Variants in SVOPL observed in about 807,000 individuals in gnomAD.
The protein encoded by SVOPL is SVOP like.
SVOPL carries 60 observed loss-of-function variants against 61.0 expected under a neutral mutation model. That is an observed-to-expected ratio of 0.98 (90% CI 0.80 to 1.22). The LOEUF (loss-of-function observed/expected upper bound fraction) is 1.22, where lower values mean the gene tolerates loss of function less well. Among genes scored for constraint, SVOPL ranks in the 50% most tolerant of loss-of-function variants. The pLI is 0.00. For missense variants in SVOPL, 662 were observed against 643.9 expected (o/e 1.03, Z -0.30); for synonymous variants, 279 against 250.0 (o/e 1.12, Z -1.09).
In SVOPL at chr7:138,662,779, A is replaced by T. The variant is rs1454642731; in HGVS notation, c.345+295T>A. The T allele has an allele frequency of 2.7e-5, 33 of 1,202,310 alleles. No homozygotes were observed. In the Admixed American group the frequency reaches 1.3e-3, roughly 47 times the overall value. The allele number at this position is 1,202,310 out of a possible 1,614,324, so 74.5% of individuals were successfully genotyped here. On this transcript the variant is annotated intron_variant, in intron 5 of 15. Transcript: ENST00000674285. The stretch of plus-strand genomic sequence containing the variant: ...AACCTTTAAAAGTTCAAATAGAGCC[A>T]CTTAGCGGCCTTCCTTCCTTTAATC...
chr7:138,632,670 G>A (rs542532226), intron 9 of SVOPL, among the ~76,000 whole-genome samples: 1 of 151,748 alleles, frequency 6.6e-6, no homozygotes, highest in African/African-American at 2.4e-5. Context: ...GAGCCAGGGT[G>A]GAAAGGGAGG....
chr7:138,682,484 T>G (rs1460891317), intron 1 of SVOPL, among the ~76,000 whole-genome samples: 1 of 152,154 alleles, frequency 6.6e-6, no homozygotes, highest in Non-Finnish European at 1.5e-5. Flanking sequence ...ACCATGTGGA[T>G]GCAATAAGAA....
intron 14 of SVOPL, among the ~76,000 whole-genome samples, chr7:138,608,526 T>G (rs941282953): frequency 6.6e-6 from 1 of 152,170 alleles, no homozygotes; most frequent in African/African-American, 2.4e-5. Context: ...GTTTCCGGCA[T>G]TGGACCTCAC....
intron 14 of SVOPL, among the ~76,000 whole-genome samples, chr7:138,609,275 GA>G (rs1426730807): frequency 6.6e-6 from 1 of 152,156 alleles, no homozygotes; most frequent in Non-Finnish European, 1.5e-5. Context: ...GTACCAAAAT[GA>G]AAGCGAGCAG....
chr7:138,641,543 C>T (rs1178919836), intron 9 of SVOPL, among the ~76,000 whole-genome samples: 47 of 151,538 alleles, frequency 3.1e-4, no homozygotes, highest in South Asian at 1.0e-3. Flanking sequence ...TGATGGCAGG[C>T]GCCTGTAATC....
chr7:138,604,538 G>A (rs185550450), intron 14 of SVOPL, among the ~76,000 whole-genome samples: 18 of 151,976 alleles, frequency 1.2e-4, no homozygotes, highest in African/African-American at 3.4e-4. Flanking sequence ...CTAGCCAGGC[G>A]TGGTGGCAGG....
chr7:138,673,990 G>C (rs1372186455), intron 3 of SVOPL, among the ~76,000 whole-genome samples: 1 of 150,554 alleles, frequency 6.6e-6, no homozygotes, highest in African/African-American at 2.4e-5. Flanking sequence ...TTTGAGACCA[G>C]CTTGGCCAAC....
At chr7:138,662,883 T>A in intron 5 of SVOPL, 191 bp downstream of exon 5, 2 of 1,432,340 alleles carry the variant, frequency 1.4e-6, no homozygotes, top group South Asian at 3.1e-5. Flanking sequence ...GAGGAACAGC[T>A]GCAGGCACAG....
Position 138,601,479 on chromosome 7 carries a change from T to C in SVOPL, c.1354-4949A>G, listed in dbSNP as rs78316583. The stretch of plus-strand genomic sequence containing the variant: ...CAACATGAATGAGCCTAGAGGACAT[T>C]ATGCTAAAAACTAATAATAAGAAGC... On this transcript the variant is annotated intron_variant, in intron 14 of 15. Transcript: ENST00000674285. 4.1e-3 allele frequency among the ~76,000 whole-genome samples: 621 copies of C among 151,834 alleles called. 14 individuals carry two copies. In the East Asian group the frequency reaches 0.045, roughly 11 times the overall value.
At chr7:138,599,603 A>G (rs775073683) in intron 14 of SVOPL, among the ~76,000 whole-genome samples, 1 of 152,126 alleles carries the variant, frequency 6.6e-6, no homozygotes, top group Non-Finnish European at 1.5e-5. Flanking sequence ...GAAAAAATCA[A>G]TTTGCCAGGC....
intron 4 of SVOPL, among the ~76,000 whole-genome samples, chr7:138,668,795 G>A (rs1254713633): frequency 6.6e-6 from 1 of 152,158 alleles, no homozygotes; most frequent in Non-Finnish European, 1.5e-5. Flanking sequence ...TTGTCAGTCT[G>A]GGGAGCAGGA....
intron 3 of SVOPL, among the ~76,000 whole-genome samples, chr7:138,672,656 T>TTAAAAAAAA (rs35924408): frequency 0.095 from 11,189 of 117,830 alleles, 629 homozygotes; most frequent in African/African-American, 0.18. Context: ...TTTTTGTGTT[T>TTAAAAAAAA]AAAAAAAAAA....
Position 138,630,114 on chromosome 7 carries a change from T to A in SVOPL, c.798A>T (p.Arg266Ser). 3.7e-6 allele frequency: 6 copies of A among 1,612,000 alleles called. No individual in the cohort carries two copies. The highest frequency in any genetic ancestry group is 5.1e-6 in the Non-Finnish European group (6 of 1,179,650). The change falls in exon 10 of 16, where the codon AGA becomes AGT. Residue 266 changes from arginine to serine, a missense_variant. Physicochemically the swap from Arg to Ser is moderately radical, Grantham distance 110 (BLOSUM62 -1). Coordinates refer to ENST00000674285, the MANE Select transcript of SVOPL (RefSeq NM_001139456.2). The stretch of plus-strand genomic sequence containing the variant: ...CATCCAATAGGTCTGCAAATCTTCC[T>A]CTTTTTTCCTGGGGTAATGAAAAGG... ...GKLVEPVLEK[R>S]GRFADLLDAK...
At chr7:138,677,226 A>C (rs1447145970) in intron 3 of SVOPL, among the ~76,000 whole-genome samples, 3 of 151,790 alleles carry the variant, frequency 2.0e-5, no homozygotes, top group Non-Finnish European at 4.4e-5. Flanking sequence ...TCTTATCCCT[A>C]CACCCCCTGG....
chr7:138,661,940 C>T (rs1402300926), intron 5 of SVOPL: 1 of 985,304 alleles, frequency 1.0e-6, no homozygotes, highest in African/African-American at 1.7e-5. Flanking sequence ...CACCCCTTAC[C>T]CCCACAATTA....
At position 138,597,261 on chromosome 7, in the gene SVOPL, G is replaced by A. The variant is rs116080163; in HGVS notation, c.1354-731C>T. 893 of 1,271,132 alleles carry A rather than the reference G, an allele frequency of 7.0e-4. 6 individuals are homozygous for A. In the African/African-American group the frequency reaches 0.013, roughly 18 times the overall value. The allele number at this position is 1,271,132 out of a possible 1,614,324, so 78.7% of individuals were successfully genotyped here. On this transcript the variant is annotated intron_variant, in intron 14 of 15. Transcript: ENST00000674285. The stretch of plus-strand genomic sequence containing the variant: ...AACAGCAAAGCTCTCTAGAATCACA[G>A]AATAATGTATTATAATTTAGAAAGA...
chr7:138,607,492 C>G (rs1178394393), intron 14 of SVOPL, among the ~76,000 whole-genome samples: 3 of 152,082 alleles, frequency 2.0e-5, no homozygotes, highest in African/African-American at 7.2e-5. Context: ...ACACGGGATG[C>G]CGGAGGGAGA....
At chr7:138,684,572 T>C (rs1215830103) in intron 1 of SVOPL, among the ~76,000 whole-genome samples, 1 of 152,122 alleles carries the variant, frequency 6.6e-6, no homozygotes, top group East Asian at 1.9e-4. Flanking sequence ...AGACATTACC[T>C]CATACTTGTT....
intron 9 of SVOPL, among the ~76,000 whole-genome samples, chr7:138,630,733 A>G (rs547911823): frequency 6.6e-6 from 1 of 152,302 alleles, no homozygotes; most frequent in East Asian, 1.9e-4. Context: ...ACCTGAGGTC[A>G]GGAGCTTGAG....
Sources: gnomAD v4.1 joint callset for allele counts (sites outside exome capture counted in the v4.1 genomes callset) on GRCh38, gnomAD v4.1.1 for gene constraint, MANE v1.5 for transcripts, NCBI Gene and HGNC (gene_info 2026-07-23, HGNC 2026-07-21) for gene names.